The following SLC23A2 variants were observed in gnomAD, a reference collection of about 807,000 sequenced individuals.
SLC23A2 encodes Na(+)/L-ascorbic acid transporter 2.
In SLC23A2, 36 loss-of-function variants were observed where a neutral mutation model predicts 73.3. That is an observed-to-expected ratio of 0.49 (90% CI 0.38 to 0.65). The LOEUF (loss-of-function observed/expected upper bound fraction) is 0.65. Ranked by LOEUF, SLC23A2 falls within the 30% of genes least tolerant of loss-of-function variation. The pLI is 0.00. For synonymous variants in SLC23A2, 343 were observed against 327.3 expected, an observed-to-expected ratio of 1.05 and a Z score of -0.52; for missense variants, 507 against 841.6, an observed-to-expected ratio of 0.60 and a Z score of 4.92.
intron 3 of SLC23A2, among the ~76,000 whole-genome samples, chr20:4,913,387 G>A (rs1600127686): frequency 6.6e-6 from 1 of 152,166 alleles, no homozygotes; most frequent in Non-Finnish European, 1.5e-5. Context: ...GTTCACCTAA[G>A]TAAACCAGCC....
rs1292753158 is a variant in SLC23A2, at chr20:4,902,605, C to T, written c.208-47G>A. On this transcript the variant is annotated intron_variant, in intron 4 of 16. Coordinates refer to ENST00000338244, the MANE Select transcript of SLC23A2 (RefSeq NM_005116.6). The surrounding 1 kb of genome is among the most constrained non-coding windows in gnomAD (Gnocchi z 4.0). ...GAAGGTGCTCATTAAACGTGAAGACCAGTGTTAGCTCGGCCATGTACAGGC... is the reference window on the plus strand; with the variant it reads ...GAAGGTGCTCATTAAACGTGAAGACTAGTGTTAGCTCGGCCATGTACAGGC... 4 of 1,111,872 alleles carry T rather than the reference C, an allele frequency of 3.6e-6. No individual in the cohort carries two copies. The highest frequency in any genetic ancestry group is 5.4e-6 in the Non-Finnish European group (4 of 740,368). The allele number at this position is 1,111,872 out of a possible 1,614,324, so 68.9% of individuals were successfully genotyped here.
At chr20:4,860,688 T>C (rs549994299) in intron 15 of SLC23A2, among the ~76,000 whole-genome samples, 1 of 152,212 alleles carries the variant, frequency 6.6e-6, no homozygotes, top group Non-Finnish European at 1.5e-5. Flanking sequence ...TGTCCATCAA[T>C]GGATGAATCG....
chr20:4,929,362 A>C (rs916598974), intron 3 of SLC23A2, among the ~76,000 whole-genome samples: 2 of 152,128 alleles, frequency 1.3e-5, no homozygotes, highest in African/African-American at 4.8e-5. Flanking sequence ...GCCCTAAGCC[A>C]GGCAGCCTCG....
At position 4,932,456 on chromosome 20, in the gene SLC23A2, G is replaced by T; in HGVS notation, c.107C>A (p.Pro36Gln). ...EAKHPAFFTL[P>Q]VVINGGATSS... is the part of the protein sequence containing the mutation. Reference sequence around the variant, plus strand: ...AAGGAAGATGGGGAATATGATTACCGGAAGAGTGAAGAAAGCTGGGTGCTT... The same window carrying T: ...AAGGAAGATGGGGAATATGATTACCTGAAGAGTGAAGAAAGCTGGGTGCTT... The change falls in exon 3 of 17, where the codon CCG (proline) becomes CAG (glutamine). Residue 36 changes from proline (P) to glutamine (Q), a missense_variant and splice_region_variant. Pro to Gln is a moderately conservative substitution (Grantham distance 76, BLOSUM62 -1). Around this residue, in one of 5 missense-constraint regions of SLC23A2, gnomAD observed 78 missense variants for 86.7 expected, o/e 0.90. Coordinates refer to ENST00000338244, the MANE Select transcript of SLC23A2 (RefSeq NM_005116.6). 1 of 1,509,210 alleles carries T rather than the reference G, an allele frequency of 6.6e-7. No individual in the cohort carries two copies. The highest frequency in any genetic ancestry group is 9.2e-7 in the Non-Finnish European group (1 of 1,084,138). The allele number at this position is 1,509,210 out of a possible 1,614,324, so 93.5% of individuals were successfully genotyped here. A position where few individuals can be genotyped will look rare whatever the true frequency, so the allele number is the denominator to read the frequency against.
chr20:4,902,626 C>T lies in SLC23A2; in HGVS notation c.208-68G>A. ...AGACCAGTGTTAGCTCGGCCATGTA[C>T]AGGCCACTATTACAGAAAAACAACT... is the stretch of plus-strand genomic sequence containing the variant. On this transcript the variant is annotated intron_variant, in intron 4 of 16. Coordinates refer to ENST00000338244, the MANE Select transcript of SLC23A2 (RefSeq NM_005116.6). This position sits in a 1 kb window ranked among gnomAD's most constrained non-coding sequence, Gnocchi z 4.0. 2 of 795,928 alleles carry T rather than the reference C, an allele frequency of 2.5e-6. No homozygotes were observed. The highest frequency in any genetic ancestry group is 4.1e-6 in the Non-Finnish European group (2 of 489,492). The allele number at this position is 795,928 out of a possible 1,614,324, so 49.3% of individuals were successfully genotyped here.
At chr20:4,931,937 C>T (rs957727428) in intron 3 of SLC23A2, among the ~76,000 whole-genome samples, 4 of 152,152 alleles carry the variant, frequency 2.6e-5, no homozygotes, top group African/African-American at 9.7e-5. Flanking sequence ...AGTCATCGTC[C>T]TACATCTGGG....
At chr20:4,866,132 C>T (rs189279981) in intron 13 of SLC23A2, among the ~76,000 whole-genome samples, 21 of 152,290 alleles carry the variant, frequency 1.4e-4, no homozygotes, top group Non-Finnish European at 2.9e-4. Context: ...CGTACCCAGC[C>T]AATATCCTCC....
At position 4,883,846 on chromosome 20, in the gene SLC23A2, CATG is replaced by C; in HGVS notation, c.643-26_643-24del. The stretch of plus-strand genomic sequence containing the variant: ...GATCTGCAACAAGAGATGGCACAGA[CATG>C]AGAGTGAGCTGCTTGTACACTGCAC... On this transcript the variant is annotated intron_variant, in intron 8 of 16. Coordinates refer to ENST00000338244, the MANE Select transcript of SLC23A2 (RefSeq NM_005116.6). This position sits in a 1 kb window ranked among gnomAD's most constrained non-coding sequence, Gnocchi z 4.5. The C allele has an allele frequency of 6.3e-7, 1 of 1,576,440 alleles. No individual in the cohort carries two copies. The highest frequency in any genetic ancestry group is 8.7e-7 in the Non-Finnish European group (1 of 1,155,138).
chr20:4,855,780 T>C lies in SLC23A2; in HGVS notation c.*1192A>G, dbSNP rs1326235738. On this transcript the variant is annotated 3_prime_UTR_variant, in exon 17 of 17. Transcript: ENST00000338244. ...ACAAATTCACGTGTAACTTGACCCATGGTTTCTGGGCTCCGGTCCAGTAGT... is the reference window on the plus strand; with the variant it reads ...ACAAATTCACGTGTAACTTGACCCACGGTTTCTGGGCTCCGGTCCAGTAGT... The C allele has an allele frequency of 2.6e-5, 4 of 152,664 alleles. No homozygotes were observed. The highest frequency in any genetic ancestry group is 2.1e-4 in the South Asian group (1 of 4,834). The allele number at this position is 152,664 out of a possible 1,614,324, so 9.5% of individuals were successfully genotyped here.
upstream of SLC23A2, among the ~76,000 whole-genome samples, chr20:5,002,640 T>C (rs750609093): frequency 1.3e-5 from 2 of 152,238 alleles, no homozygotes; most frequent in African/African-American, 2.4e-5. Context: ...GAGCAGCAAC[T>C]AAAGGAATTT....
At chr20:4,928,989 C>T (rs145813968) in intron 3 of SLC23A2, among the ~76,000 whole-genome samples, 43 of 152,318 alleles carry the variant, frequency 2.8e-4, no homozygotes, top group Admixed American at 5.9e-4. Flanking sequence ...CGGTGGCTCA[C>T]GCCTGTAATC....
chr20:4,950,024 C>T (rs1319521629), intron 2 of SLC23A2, among the ~76,000 whole-genome samples: 2 of 152,180 alleles, frequency 1.3e-5, no homozygotes, highest in East Asian at 1.9e-4. Flanking sequence ...ATTGTATAAC[C>T]GCACCACCTC....
chr20:4,889,108 C>A (rs1371182198), intron 6 of SLC23A2, among the ~76,000 whole-genome samples: 1 of 152,182 alleles, frequency 6.6e-6, no homozygotes, highest in African/African-American at 2.4e-5. Context: ...GTTTCTGCTG[C>A]GTGAAGAAGA....
At chr20:4,886,992 G>A (rs932231243) in intron 6 of SLC23A2, among the ~76,000 whole-genome samples, 3 of 152,206 alleles carry the variant, frequency 2.0e-5, no homozygotes, top group Non-Finnish European at 4.4e-5. Context: ...CAAGTCCAGA[G>A]CCCAGCACAC....
At position 4,874,784 on chromosome 20, in the gene SLC23A2, A is replaced by G; in HGVS notation, c.825-88T>C. On this transcript the variant is annotated intron_variant, in intron 9 of 16. Coordinates refer to ENST00000338244, the MANE Select transcript of SLC23A2 (RefSeq NM_005116.6). ...TCGAAGCTTCTATGGCAAAATTGAC[A>G]TAGTGTTCAATTCATTTACCTAGAA... The G allele has an allele frequency of 2.7e-6, 3 of 1,106,968 alleles. No homozygotes were observed. The African/African-American group carries it at 4.7e-5, about 17-fold the overall frequency. The allele number at this position is 1,106,968 out of a possible 1,614,324, so 68.6% of individuals were successfully genotyped here.
rs758041566 is a variant in SLC23A2 at position 4,931,068 on chromosome 20, GAAA to G, written c.108+1384_108+1386del. On this transcript the variant is annotated intron_variant, in intron 3 of 16. Coordinates refer to ENST00000338244, the MANE Select transcript of SLC23A2 (RefSeq NM_005116.6). ...CTTAAAATAACTGTTATTTTTTTAA[GAAA>G]AAAAAAAAAAAAAAAAAAAAAGAAT... Among the ~76,000 whole-genome samples, 491 of 75,050 alleles carry G rather than the reference GAAA, an allele frequency of 6.5e-3. 1 individual carries two copies. The highest frequency in any genetic ancestry group is 0.021 in the African/African-American group (440 of 21,088). The allele number at this position is 75,050 out of a possible 152,430, so 49.2% of individuals were successfully genotyped here.
At chr20:4,892,371 G>T (rs1316613687) in intron 6 of SLC23A2, among the ~76,000 whole-genome samples, 5 of 151,996 alleles carry the variant, frequency 3.3e-5, no homozygotes, top group Non-Finnish European at 7.4e-5. Flanking sequence ...ACTTTTAGTA[G>T]AGATGAGGTT....
At chr20:4,913,746 C>G (rs1055337304) in intron 3 of SLC23A2, among the ~76,000 whole-genome samples, 1 of 152,030 alleles carries the variant, frequency 6.6e-6, no homozygotes, top group African/African-American at 2.4e-5. Context: ...CCTGCCTCAG[C>G]CTCCCGAGTA....
At chr20:4,919,277 CA>C (rs1932426206) in intron 3 of SLC23A2, among the ~76,000 whole-genome samples, 3 of 152,180 alleles carry the variant, frequency 2.0e-5, no homozygotes, top group Admixed American at 6.5e-5. Context: ...TGCCTCTTCC[CA>C]CAGGATGGCT....
Sources: gnomAD v4.1 joint callset for allele counts (sites outside exome capture counted in the v4.1 genomes callset) on GRCh38, gnomAD v4.1.1 for gene constraint, gnomAD v4.1.1 regional missense constraint, Gnocchi (gnomAD v3.1) non-coding constraint, MANE v1.5 for transcripts, NCBI Gene and HGNC (gene_info 2026-07-23, HGNC 2026-07-21) for gene names.